Variants in SCRG1 observed in about 807,000 individuals in gnomAD.
SCRG1 encodes scrapie-responsive protein 1.
A neutral mutation model predicts 7.7 loss-of-function variants in SCRG1; 3 were observed. The ratio of observed to expected loss-of-function variants is 0.39; its 90% CI spans 0.18 to 1.01. The LOEUF is 1.01. Ranked by LOEUF, SCRG1 falls within the 50% of genes least tolerant of loss-of-function variation. SCRG1 has a pLI of 0.36. For synonymous variants in SCRG1, 46 were observed against 41.2 expected (o/e 1.12, Z -0.44); for missense variants, 110 against 117.2 (o/e 0.94, Z 0.28).
chr4:173,484,315 T>C, the SCRG1 span, among the ~76,000 whole-genome samples: 4 of 76,264 alleles, frequency 5.2e-5, no homozygotes, highest in African/African-American at 2.1e-4. Context: ...ATATATTATA[T>C]ATTTTATACA....
the SCRG1 span, among the ~76,000 whole-genome samples, chr4:173,512,203 G>C: frequency 6.6e-6 from 1 of 152,218 alleles, no homozygotes; most frequent in Non-Finnish European, 1.5e-5. Flanking sequence ...CTTTGGTCCT[G>C]AGAGGGCATT....
the SCRG1 span, among the ~76,000 whole-genome samples, chr4:173,467,014 T>A: frequency 6.6e-6 from 1 of 152,162 alleles, no homozygotes; most frequent in Non-Finnish European, 1.5e-5. Context: ...TTTCTCCTCC[T>A]CTTCCAAATT....
At chr4:173,416,992 A>T in the SCRG1 span, among the ~76,000 whole-genome samples, 1 of 148,806 alleles carries the variant, frequency 6.7e-6, no homozygotes, top group Admixed American at 6.7e-5. Context: ...CACCCCACAC[A>T]CAATCACATC....
At chr4:173,446,069 T>A in the SCRG1 span, among the ~76,000 whole-genome samples, 4 of 151,520 alleles carry the variant, frequency 2.6e-5, no homozygotes, top group Non-Finnish European at 5.9e-5. Context: ...TATATTTATT[T>A]GTTCATTTTT....
the SCRG1 span, among the ~76,000 whole-genome samples, chr4:173,444,832 G>A: frequency 6.6e-6 from 1 of 152,186 alleles, no homozygotes; most frequent in East Asian, 1.9e-4. Flanking sequence ...GAATCTCCGA[G>A]AAGAGAGAGA....
the SCRG1 span, among the ~76,000 whole-genome samples, chr4:173,500,604 G>A: frequency 6.6e-6 from 1 of 152,062 alleles, no homozygotes; most frequent in East Asian, 1.9e-4. Flanking sequence ...CTCAGCTTTC[G>A]GAGTAGCTTG....
chr4:173,417,248 A>T, the SCRG1 span, among the ~76,000 whole-genome samples: 33 of 152,324 alleles, frequency 2.2e-4, no homozygotes, highest in Admixed American at 7.8e-4. Flanking sequence ...AAAAACAAGC[A>T]TCTACAGGCA....
At chr4:173,494,063 CT>C in the SCRG1 span, among the ~76,000 whole-genome samples, 1 of 152,130 alleles carries the variant, frequency 6.6e-6, no homozygotes, top group Non-Finnish European at 1.5e-5. Context: ...CAAAGCCGCC[CT>C]TTTACAACTG....
the SCRG1 span, among the ~76,000 whole-genome samples, chr4:173,444,365 C>T: frequency 1.1e-4 from 16 of 152,168 alleles, no homozygotes; most frequent in Admixed American, 2.6e-4. Flanking sequence ...TAATTCTGTA[C>T]ACCAATGGTC....
At position 173,395,218 on chromosome 4, in the gene SCRG1, C is replaced by A. The variant is rs1038595297; in HGVS notation, c.-14-3790G>T. ...TAAATGATATATTTGTGAATTTACT[C>A]ATTTTATGTCTGTCATTCTCATTAG... On this transcript the variant is annotated intron_variant, in intron 1 of 2. Coordinates refer to ENST00000296506, the MANE Select transcript of SCRG1 (RefSeq NM_007281.4). Among the ~76,000 whole-genome samples the A allele has an allele frequency of 3.3e-5, 5 of 152,186 alleles. No homozygotes were observed. The South Asian group carries it at 1.0e-3, about 32-fold the overall frequency.
At chr4:173,400,586 G>A (rs1297410059), upstream of SCRG1, among the ~76,000 whole-genome samples, 2 of 152,122 alleles carry the variant, frequency 1.3e-5, no homozygotes, top group Admixed American at 1.3e-4. Context: ...ACTAATGCAG[G>A]TATTCAACTA....
chr4:173,418,494 A>C, the SCRG1 span, among the ~76,000 whole-genome samples: 4 of 152,206 alleles, frequency 2.6e-5, no homozygotes, highest in Non-Finnish European at 5.9e-5. Flanking sequence ...AGCAAGAAAT[A>C]AATAGTTTTT....
chr4:173,388,760 T>C (rs988705796), intron 2 of SCRG1, among the ~76,000 whole-genome samples: 8 of 152,242 alleles, frequency 5.3e-5, no homozygotes, highest in Non-Finnish European at 1.0e-4. Flanking sequence ...ATTTCTTGTT[T>C]ATTAAATAAA....
the SCRG1 span, among the ~76,000 whole-genome samples, chr4:173,467,577 A>C: frequency 6.6e-6 from 1 of 152,182 alleles, no homozygotes; most frequent in Non-Finnish European, 1.5e-5. Context: ...ACTTAGAAAA[A>C]AATGATTAAC....
At chr4:173,454,341 C>A in the SCRG1 span, among the ~76,000 whole-genome samples, 1 of 152,154 alleles carries the variant, frequency 6.6e-6, no homozygotes, top group East Asian at 1.9e-4. Flanking sequence ...GGAATAGTAA[C>A]AGTGCTAACC....
chr4:173,470,799 G>A, the SCRG1 span, among the ~76,000 whole-genome samples: 1 of 152,192 alleles, frequency 6.6e-6, no homozygotes, highest in Non-Finnish European at 1.5e-5. Flanking sequence ...AGTGACAAAA[G>A]GTAAATAAAA....
upstream of SCRG1, among the ~76,000 whole-genome samples, chr4:173,408,923 C>T (rs1479351118): frequency 7.2e-6 from 1 of 138,132 alleles, no homozygotes; most frequent in Non-Finnish European, 1.5e-5. Context: ...AACCCGGAGG[C>T]AGAGCTTGCA....
At chr4:173,502,238 C>T in the SCRG1 span, among the ~76,000 whole-genome samples, 8 of 152,062 alleles carry the variant, frequency 5.3e-5, no homozygotes. This position sits in a 1 kb window ranked among gnomAD's most constrained non-coding sequence, Gnocchi z 4.6. Context: ...GGGGAAACAG[C>T]CAGCCCAGGT....
chr4:173,399,689 C>G (rs1218285881), upstream of SCRG1, among the ~76,000 whole-genome samples: 1 of 56,218 alleles, frequency 1.8e-5, no homozygotes, highest in Admixed American at 2.5e-4. Context: ...AAAATGATGA[C>G]TAAAAAGAAA....
Sources: gnomAD v4.1 joint callset for allele counts (sites outside exome capture counted in the v4.1 genomes callset) on GRCh38, gnomAD v4.1.1 for gene constraint, Gnocchi (gnomAD v3.1) non-coding constraint, MANE v1.5 for transcripts, NCBI Gene and HGNC (gene_info 2026-07-23, HGNC 2026-07-21) for gene names.